The following TP63 variants were observed in gnomAD, a reference collection of about 807,000 sequenced individuals.
TP63 encodes the protein tumor protein p63.
In TP63, 17 loss-of-function variants were observed where a neutral mutation model predicts 82.8. That is an observed-to-expected ratio of 0.21 (90% CI 0.14 to 0.31). The LOEUF is 0.31. Among genes scored for constraint, TP63 ranks in the 10% least tolerant of loss-of-function variants. TP63 has a pLI of 1.00. For missense variants in TP63, 648 were observed against 895.3 expected (o/e 0.72, Z 3.52); for synonymous variants, 330 against 321.7 (o/e 1.03, Z -0.28).
upstream of TP63, among the ~76,000 whole-genome samples, chr3:189,626,402 C>A (rs1729321141): frequency 6.6e-6 from 1 of 152,196 alleles, no homozygotes. Context: ...CTGCTCTCCT[C>A]ACTATAAATG....
chr3:189,832,309 G>C (rs530821084), intron 4 of TP63, among the ~76,000 whole-genome samples: 16 of 152,242 alleles, frequency 1.1e-4, no homozygotes, highest in Admixed American at 9.2e-4. Context: ...CCCAGGGACT[G>C]ACAGATGGAC....
intron 1 of TP63, among the ~76,000 whole-genome samples, chr3:189,651,983 G>A (rs116369719): frequency 0.015 from 2,276 of 147,120 alleles, 309 homozygotes; most frequent in African/African-American, 0.055. Flanking sequence ...TTAAGAGGAC[G>A]TGTGGAAACG....
At chr3:189,734,637 T>C in intron 1 of TP63, among the ~76,000 whole-genome samples, 1 of 152,160 alleles carries the variant, frequency 6.6e-6, no homozygotes, top group Non-Finnish European at 1.5e-5. Context: ...TCTGACCCAC[T>C]CAATTTTCAG....
chr3:189,801,396 C>G (rs1046367112), intron 3 of TP63, among the ~76,000 whole-genome samples: 15 of 152,066 alleles, frequency 9.9e-5, no homozygotes, highest in African/African-American at 2.9e-4. Flanking sequence ...CTGCTTTCTG[C>G]TTAGTTTGAT....
chr3:189,844,466 A>G (rs1055032955), intron 4 of TP63: 1 of 277,726 alleles, frequency 3.6e-6, no homozygotes, highest in Non-Finnish European at 7.3e-6. Context: ...TTGTATTTTT[A>G]GTAGAGATGG....
At chr3:189,780,717 C>A (rs1724164605) in intron 3 of TP63, among the ~76,000 whole-genome samples, 1 of 152,136 alleles carries the variant, frequency 6.6e-6, no homozygotes, top group African/African-American at 2.4e-5. Flanking sequence ...AGGAAGATGA[C>A]ACCAGCCTGG....
chr3:189,736,811 A>G (rs1333258944), intron 1 of TP63, among the ~76,000 whole-genome samples: 1 of 152,116 alleles, frequency 6.6e-6, no homozygotes, highest in African/African-American at 2.4e-5. Flanking sequence ...ATCCTCATAC[A>G]GTATTTTTCT....
At chr3:189,727,296 T>C (rs1315797607) in intron 1 of TP63, among the ~76,000 whole-genome samples, 2 of 152,248 alleles carry the variant, frequency 1.3e-5, no homozygotes, top group African/African-American at 4.8e-5. Flanking sequence ...GATTCTATAA[T>C]TGAGAAAAGG....
chr3:189,656,010 T>C (rs559020719), intron 1 of TP63, among the ~76,000 whole-genome samples: 1 of 152,342 alleles, frequency 6.6e-6, no homozygotes, highest in South Asian at 2.1e-4. Flanking sequence ...ACTCTTGCCT[T>C]ATCCAGGTTT....
At chr3:189,633,013 A>G (rs1729555820) in intron 1 of TP63, among the ~76,000 whole-genome samples, 2 of 152,060 alleles carry the variant, frequency 1.3e-5, no homozygotes, top group Non-Finnish European at 2.9e-5. Context: ...GAAGCTTTAG[A>G]AGAAACTTCC....
chr3:189,826,750 A>T (rs943370153), intron 4 of TP63, among the ~76,000 whole-genome samples: 6 of 152,200 alleles, frequency 3.9e-5, no homozygotes, highest in Non-Finnish European at 8.8e-5. Context: ...GATCTCTCCA[A>T]CTGGTGCCTT....
intron 3 of TP63, among the ~76,000 whole-genome samples, chr3:189,754,336 C>T (rs1722028985): frequency 6.6e-6 from 1 of 152,168 alleles, no homozygotes; most frequent in African/African-American, 2.4e-5. Context: ...CAATCACCCA[C>T]ATATAACTCA....
At chr3:189,707,459 A>G (rs1272778989) in intron 1 of TP63, among the ~76,000 whole-genome samples, 2 of 152,160 alleles carry the variant, frequency 1.3e-5, no homozygotes, top group African/African-American at 2.4e-5. Context: ...TAACAAATCT[A>G]TAGTCGTCAT....
intron 3 of TP63, among the ~76,000 whole-genome samples, chr3:189,802,211 C>T (rs1515499): frequency 1 from 152,275 of 152,328 alleles, 76,111 homozygotes; most frequent in Middle Eastern, 1. Flanking sequence ...TCTGCTAAAG[C>T]ATAATTGAAT....
At chr3:189,888,522 A>G (rs184058448) in intron 11 of TP63, among the ~76,000 whole-genome samples, 2 of 152,324 alleles carry the variant, frequency 1.3e-5, no homozygotes, top group East Asian at 3.9e-4. Context: ...TATGCTCTTT[A>G]GTTAGCTAGT....
At chr3:189,735,906 A>T (rs1338067000) in intron 1 of TP63, among the ~76,000 whole-genome samples, 3 of 152,080 alleles carry the variant, frequency 2.0e-5, no homozygotes, top group Non-Finnish European at 4.4e-5. Flanking sequence ...GGGTCAGGTC[A>T]CTGGATTTTA....
At chr3:189,661,955 C>CT (rs1223723206) in intron 1 of TP63, among the ~76,000 whole-genome samples, 2 of 151,938 alleles carry the variant, frequency 1.3e-5, no homozygotes, top group African/African-American at 2.4e-5. Flanking sequence ...GATCTTCTCT[C>CT]TTTTTTCTTT....
At position 189,867,849 on chromosome 3, in the gene TP63, C is replaced by T. The variant is rs886058222; in HGVS notation, c.899C>T (p.Thr300Met). 1.9e-6 allele frequency: 3 copies of T among 1,613,818 alleles called. No individual in the cohort carries two copies. The highest frequency in any genetic ancestry group is 2.2e-5 in the East Asian group (1 of 44,884). ...YEPPQVGTEF[T>M]TVLYNFMCNS... ...TGTTTTCAGGTTGGCACTGAATTCA[C>T]GACAGTCTTGTACAATTTCATGTGT... Residue 300 changes from threonine (T) to methionine (M), a missense_variant, in exon 7 of 14, where the codon ACG becomes ATG. Physicochemically the swap from Thr to Met is moderately conservative, Grantham distance 81. This residue lies in a region of TP63 where 30 missense variants were observed against 85.4 expected (regional missense o/e 0.35). Coordinates refer to ENST00000264731, the MANE Select transcript of TP63 (RefSeq NM_003722.5).
intron 1 of TP63, among the ~76,000 whole-genome samples, chr3:189,672,406 G>T (rs913139829): frequency 1.8e-4 from 27 of 152,054 alleles, no homozygotes; most frequent in Admixed American, 5.9e-4. Flanking sequence ...TTGGAGACCA[G>T]CCTGGACAAC....
Sources: gnomAD v4.1 joint callset for allele counts (sites outside exome capture counted in the v4.1 genomes callset) on GRCh38, gnomAD v4.1.1 for gene constraint, gnomAD v4.1.1 regional missense constraint, MANE v1.5 for transcripts, NCBI Gene and HGNC (gene_info 2026-07-23, HGNC 2026-07-21) for gene names.